Variants in DPYD observed in about 807,000 individuals in gnomAD.
The protein encoded by DPYD is dihydropyrimidine dehydrogenase, also known as dihydropyrimidine dehydrogenase [NADP(+)].
DPYD carries 109 observed loss-of-function variants against 116.2 expected under a neutral mutation model. That is an observed-to-expected ratio of 0.94 (90% confidence interval 0.80 to 1.10). The LOEUF is 1.10. Ranked by LOEUF, DPYD falls within the 50% of genes least tolerant of loss-of-function variation. The probability of loss-of-function intolerance (pLI) is 0.00; values close to 1 mark genes in which losing one functional copy is unlikely to be tolerated. For synonymous variants in DPYD, 440 were observed against 432.0 expected (o/e 1.02, Z -0.23); for missense variants, 1,302 against 1,254.5 (o/e 1.04, Z -0.57).
intron 19 of DPYD, among the ~76,000 whole-genome samples, chr1:97,198,249 G>A (rs929189708): frequency 2.0e-5 from 3 of 151,836 alleles, no homozygotes; most frequent in African/African-American, 7.3e-5. Context: ...GCACTGGCAG[G>A]GGTGAATCTC....
intron 11 of DPYD, among the ~76,000 whole-genome samples, chr1:97,564,681 C>CATTG (rs1652392982): frequency 6.6e-6 from 1 of 152,130 alleles, no homozygotes. Context: ...TACCTCCCAG[C>CATTG]TAGCTACCCC....
chr1:97,442,934 A>C (rs1675880327), intron 14 of DPYD, among the ~76,000 whole-genome samples: 1 of 152,254 alleles, frequency 6.6e-6, no homozygotes, highest in Non-Finnish European at 1.5e-5. Context: ...ATGCATAAAT[A>C]TTCTATGCAA....
At chr1:97,813,947 CACA>C (rs1668452262) in intron 3 of DPYD, among the ~76,000 whole-genome samples, 2 of 151,650 alleles carry the variant, frequency 1.3e-5, no homozygotes, top group Non-Finnish European at 2.9e-5. Context: ...CACACACACA[CACA>C]CACACCCCTA....
At chr1:97,085,763 C>G (rs1195858528) in intron 21 of DPYD, among the ~76,000 whole-genome samples, 1 of 152,168 alleles carries the variant, frequency 6.6e-6, no homozygotes, top group African/African-American at 2.4e-5. Flanking sequence ...CTTGTACACA[C>G]ATCTGTGGAG....
At chr1:97,896,984 C>G (rs887670323) in intron 1 of DPYD, among the ~76,000 whole-genome samples, 1 of 151,878 alleles carries the variant, frequency 6.6e-6, no homozygotes. Context: ...TATGTAGTTA[C>G]CATTTTTGCA....
intron 18 of DPYD, among the ~76,000 whole-genome samples, chr1:97,301,557 T>C (rs1225223766): frequency 6.6e-6 from 1 of 151,994 alleles, no homozygotes; most frequent in Non-Finnish European, 1.5e-5. Context: ...ACACAAAATA[T>C]ATACAGGACA....
chr1:97,902,195 C>A (rs896853293), intron 1 of DPYD, among the ~76,000 whole-genome samples: 2 of 151,686 alleles, frequency 1.3e-5, no homozygotes, highest in Admixed American at 1.3e-4. Flanking sequence ...TTTACAGATG[C>A]GCCTAGTGAA....
At chr1:97,475,323 CAGA>C (rs1436921543) in intron 13 of DPYD, among the ~76,000 whole-genome samples, 1 of 151,818 alleles carries the variant, frequency 6.6e-6, no homozygotes, top group Admixed American at 6.6e-5. Context: ...ATAGATAAAA[CAGA>C]AGAAGTAGAA....
chr1:97,363,022 C>T (rs1342749869), intron 16 of DPYD, among the ~76,000 whole-genome samples: 1 of 152,176 alleles, frequency 6.6e-6, no homozygotes, highest in Non-Finnish European at 1.5e-5. Context: ...GGACAACCTA[C>T]AGAATAGGAG....
At chr1:97,280,973 G>A (rs72726674) in intron 18 of DPYD, among the ~76,000 whole-genome samples, 3,776 of 152,124 alleles carry the variant, frequency 0.025, 63 homozygotes, top group Middle Eastern at 0.044. Flanking sequence ...ATGTATTCGT[G>A]CACTGGAACA....
chr1:97,221,724 A>G (rs1359693423), intron 19 of DPYD, among the ~76,000 whole-genome samples: 1 of 152,100 alleles, frequency 6.6e-6, no homozygotes, highest in Non-Finnish European at 1.5e-5. Flanking sequence ...TGTTCGCACT[A>G]CTCAGAACAA....
chr1:97,698,612 G>T (rs768058101), intron 6 of DPYD, among the ~76,000 whole-genome samples: 4 of 151,720 alleles, frequency 2.6e-5, no homozygotes, highest in Admixed American at 6.6e-5. Flanking sequence ...TGTAATCCAT[G>T]ATTTTTTTGA....
chr1:97,363,114 C>A (rs1670833838), intron 16 of DPYD, among the ~76,000 whole-genome samples: 1 of 152,078 alleles, frequency 6.6e-6, no homozygotes, highest in African/African-American at 2.4e-5. Context: ...AAGAAAAAAA[C>A]ATACAACCCC....
chr1:97,476,709 G>A (rs1040646869), intron 13 of DPYD, among the ~76,000 whole-genome samples: 2 of 151,868 alleles, frequency 1.3e-5, no homozygotes, highest in African/African-American at 4.8e-5. Context: ...CAGATACCAT[G>A]TTTAGCATTA....
intron 19 of DPYD, among the ~76,000 whole-genome samples, chr1:97,206,886 C>T (rs1313398341): frequency 6.6e-6 from 1 of 150,902 alleles, no homozygotes; most frequent in Non-Finnish European, 1.5e-5. Flanking sequence ...CATATATACA[C>T]ATATATACCT....
chr1:97,532,995 C>T (rs1649745509), intron 12 of DPYD, among the ~76,000 whole-genome samples: 1 of 149,124 alleles, frequency 6.7e-6, no homozygotes, highest in South Asian at 2.1e-4. Context: ...GATCTTCTTT[C>T]TTTTGTAATG....
At chr1:97,681,326 A>G (rs1244191291) in intron 7 of DPYD, among the ~76,000 whole-genome samples, 3 of 152,112 alleles carry the variant, frequency 2.0e-5, no homozygotes, top group Non-Finnish European at 2.9e-5. Flanking sequence ...AAGACCTACT[A>G]AAAAGGTTGT....
chr1:97,487,808 T>C (rs187744681), intron 13 of DPYD, among the ~76,000 whole-genome samples: 13 of 152,338 alleles, frequency 8.5e-5, no homozygotes, highest in Admixed American at 5.2e-4. Context: ...ACTAGATCAC[T>C]TATACATTGC....
chr1:97,188,739 T>C (rs1269915536), intron 20 of DPYD, among the ~76,000 whole-genome samples: 2 of 152,202 alleles, frequency 1.3e-5, no homozygotes, highest in Admixed American at 1.3e-4. Flanking sequence ...TCAATTCAGC[T>C]ACCATGCCAT....
Sources: gnomAD v4.1 joint callset for allele counts (sites outside exome capture counted in the v4.1 genomes callset) on GRCh38, gnomAD v4.1.1 for gene constraint, MANE v1.5 for transcripts, NCBI Gene and HGNC (gene_info 2026-07-23, HGNC 2026-07-21) for gene names.